RWDD1: variants seen among roughly 807,000 people sequenced by gnomAD.
The protein encoded by RWDD1 is RWD domain-containing protein 1.
Under a neutral mutation model 31.6 loss-of-function variants are expected in RWDD1, and 17 were observed. The observed-to-expected ratio is 0.54, with a 90% CI of 0.37 to 0.81. The LOEUF (loss-of-function observed/expected upper bound fraction) is 0.81. Among genes scored for constraint, RWDD1 ranks in the 30% least tolerant of loss-of-function variants. The probability of loss-of-function intolerance (pLI) is 0.00; values close to 1 mark genes in which losing one functional copy is unlikely to be tolerated. For missense variants in RWDD1, 204 were observed against 274.5 expected (o/e 0.74, Z 1.82); for synonymous variants, 78 against 94.2 (o/e 0.83, Z 0.99).
intron 2 of RWDD1, among the ~76,000 whole-genome samples, chr6:116,582,342 C>G (rs1444583270): frequency 6.6e-6 from 1 of 151,056 alleles, no homozygotes; most frequent in East Asian, 1.9e-4. Flanking sequence ...ATTATTTACA[C>G]TAAGTGTTAA....
rs963171965 is a variant in RWDD1 at position 116,597,237 on chromosome 6, G to C, written c.*4136G>C. On this transcript the variant is annotated 3_prime_UTR_variant, in exon 7 of 7. Coordinates refer to ENST00000466444, the MANE Select transcript of RWDD1 (RefSeq NM_015952.4). Reference sequence around the variant, plus strand: ...GAAGTAAAAAAGAGAGAGAAAGAGAGAGAGAAGAGGTTCTACTCAGTCCAC... The same window carrying C: ...GAAGTAAAAAAGAGAGAGAAAGAGACAGAGAAGAGGTTCTACTCAGTCCAC... 2.8e-4 allele frequency: 43 copies of C among 152,228 alleles called. No individual in the cohort carries two copies. Among genetic ancestry groups the C allele is most frequent in the African/African-American group, 1.0e-3 (42 of 41,522 alleles). The allele number at this position is 152,228 out of a possible 1,614,324, so 9.4% of individuals were successfully genotyped here.
chr6:116,579,389 G>A (rs1025640321), intron 1 of RWDD1, among the ~76,000 whole-genome samples: 28 of 152,218 alleles, frequency 1.8e-4, no homozygotes. Context: ...GCCATCCCTG[G>A]TAGCTTGAAG....
At chr6:116,573,650 T>C (rs989487476) in intron 1 of RWDD1, among the ~76,000 whole-genome samples, 1 of 152,214 alleles carries the variant, frequency 6.6e-6, no homozygotes, top group African/African-American at 2.4e-5. Context: ...TAGCCTTCTT[T>C]TGTATTTATG....
rs1476583030 is a variant in RWDD1 at position 116,595,525 on chromosome 6, T to TG, written c.*2426dup. 1 of 152,224 alleles carries TG rather than the reference T, an allele frequency of 6.6e-6. No homozygotes were observed. Among genetic ancestry groups the TG allele is most frequent in the Non-Finnish European group, 1.5e-5 (1 of 68,042 alleles). 9.4% of individuals were successfully genotyped at this position (152,224 alleles called of 1,614,324 possible). A position where few individuals can be genotyped will look rare whatever the true frequency, so the allele number is the denominator to read the frequency against. On this transcript the variant is annotated 3_prime_UTR_variant, in exon 7 of 7. Coordinates refer to ENST00000466444, the MANE Select transcript of RWDD1 (RefSeq NM_015952.4). ...ATTTGAAGCAATAATTGTTCCATCT[T>TG]GGATTATCGGTTTTGCTCTTTGATT...
chr6:116,578,582 TTGTAAA>T (rs975821789), intron 1 of RWDD1, among the ~76,000 whole-genome samples: 2 of 152,324 alleles, frequency 1.3e-5, no homozygotes, highest in Admixed American at 1.3e-4. Flanking sequence ...ATTTCATGAC[TTGTAAA>T]TGTTAAAGTT....
rs780701472 is a variant in RWDD1, at chr6:116,590,261, T to A, written c.415-11T>A. On this transcript the variant is annotated splice_polypyrimidine_tract_variant and intron_variant, in intron 4 of 6. Transcript: ENST00000466444. The stretch of plus-strand genomic sequence containing the variant: ...CATTAATCTGGTGACTTTTTTTTTT[T>A]ATTTCCTAAGCAATTATTCCATGGT... The A allele has an allele frequency of 5.4e-6, 8 of 1,476,052 alleles. No homozygotes were observed. The highest frequency in any genetic ancestry group is 1.8e-4 in the Middle Eastern group (1 of 5,594). The allele number at this position is 1,476,052 out of a possible 1,614,324, so 91.4% of individuals were successfully genotyped here. A position where few individuals can be genotyped will look rare whatever the true frequency, so the allele number is the denominator to read the frequency against.
intron 6 of RWDD1, 148 bp downstream of exon 6, chr6:116,591,098 T>TA (rs368922935): frequency 0.037 from 29,466 of 804,068 alleles, 8 homozygotes; most frequent in East Asian, 0.042. Flanking sequence ...CTGACTCTAT[T>TA]AAAAAAAAAA....
intron 3 of RWDD1, 87 bp downstream of exon 3, chr6:116,584,944 T>C: frequency 9.3e-7 from 1 of 1,069,838 alleles, no homozygotes. Flanking sequence ...AAAATGCTAT[T>C]GTGTAAACAG....
At chr6:116,588,609 A>T (rs997341433) in intron 3 of RWDD1, among the ~76,000 whole-genome samples, 1 of 152,180 alleles carries the variant, frequency 6.6e-6, no homozygotes, top group South Asian at 2.1e-4. Flanking sequence ...CTGAATTTTT[A>T]CCTATATGAT....
intron 2 of RWDD1, among the ~76,000 whole-genome samples, chr6:116,582,206 A>G (rs1396381246): frequency 6.6e-6 from 1 of 151,016 alleles, no homozygotes; most frequent in Non-Finnish European, 1.5e-5. Context: ...CCATTATTTT[A>G]TTCCTAAATT....
At chr6:116,575,711 G>C (rs1774827320) in intron 1 of RWDD1, among the ~76,000 whole-genome samples, 1 of 152,218 alleles carries the variant, frequency 6.6e-6, no homozygotes, top group Non-Finnish European at 1.5e-5. Flanking sequence ...ACATATAAGA[G>C]AGTTGTGGCA....
chr6:116,577,842 A>T (rs1339260962), intron 1 of RWDD1, among the ~76,000 whole-genome samples: 3 of 152,204 alleles, frequency 2.0e-5, no homozygotes, highest in Non-Finnish European at 2.9e-5. Context: ...GATTGTGCGC[A>T]ACTAAACTTT....
chr6:116,596,803 A>G lies in RWDD1; in HGVS notation c.*3702A>G, dbSNP rs1056411080. On this transcript the variant is annotated 3_prime_UTR_variant, in exon 7 of 7. Coordinates refer to ENST00000466444, the MANE Select transcript of RWDD1 (RefSeq NM_015952.4). ...CATTCAATTAAGGTATTTGAGTGCT[A>G]CTATGCGCCAGCCTTTCTTTGTGAT... 6.6e-6 allele frequency: 1 copy of G among 152,176 alleles called. No homozygotes were observed. Among genetic ancestry groups the G allele is most frequent in the Non-Finnish European group, 1.5e-5 (1 of 68,020 alleles). The allele number at this position is 152,176 out of a possible 1,614,324, so 9.4% of individuals were successfully genotyped here.
intron 6 of RWDD1, among the ~76,000 whole-genome samples, chr6:116,591,477 T>G (rs1376233950): frequency 6.6e-6 from 1 of 152,248 alleles, no homozygotes; most frequent in Non-Finnish European, 1.5e-5. Context: ...AAAAACCTCA[T>G]GTTTAACTCC....
At position 116,590,260 on chromosome 6, in the gene RWDD1, T is replaced by G; in HGVS notation, c.415-12T>G. The G allele has an allele frequency of 6.7e-7, 1 of 1,483,162 alleles. No homozygotes were observed. 91.9% of individuals were successfully genotyped at this position (1,483,162 alleles called of 1,614,324 possible). ...TCATTAATCTGGTGACTTTTTTTTT[T>G]TATTTCCTAAGCAATTATTCCATGG... On this transcript the variant is annotated splice_polypyrimidine_tract_variant and intron_variant, in intron 4 of 6. Transcript: ENST00000466444.
intron 1 of RWDD1, among the ~76,000 whole-genome samples, chr6:116,578,858 T>A (rs1389240275): frequency 1.4e-5 from 2 of 146,808 alleles, no homozygotes; most frequent in African/African-American, 5.2e-5. Flanking sequence ...GACATCTATC[T>A]TGAAAATAAT....
chr6:116,581,915 TAAC>T (rs1774953965), intron 2 of RWDD1, among the ~76,000 whole-genome samples: 1 of 152,062 alleles, frequency 6.6e-6, no homozygotes, highest in African/African-American at 2.4e-5. Flanking sequence ...GTTTCTATCT[TAAC>T]TAATAAACAG....
rs1056614791 is a variant in RWDD1, at chr6:116,584,821, T to A, written c.234T>A (p.Asn78Lys). Reference sequence around the variant, plus strand: ...TCTCCCAGGAAAATCTAGAAGATAATGATGTCTCAGACATTTTAAAATTAC... The same window carrying A: ...TCTCCCAGGAAAATCTAGAAGATAAAGATGTCTCAGACATTTTAAAATTAC... ...EIFSQENLED[N>K]DVSDILKLLA... is the part of the protein sequence containing the mutation. The change falls in exon 3 of 7, where the codon AAT becomes AAA. Residue 78 changes from asparagine (N) to lysine (K), a missense_variant. Transcript: ENST00000466444. The A allele has an allele frequency of 6.3e-7, 1 of 1,595,018 alleles. No homozygotes were observed. The highest frequency in any genetic ancestry group is 8.6e-7 in the Non-Finnish European group (1 of 1,162,932).
chr6:116,580,421 G>A, intron 2 of RWDD1, 61 bp downstream of exon 2: 1 of 1,261,484 alleles, frequency 7.9e-7, no homozygotes, highest in Non-Finnish European at 1.1e-6. Flanking sequence ...CACTCATTCT[G>A]TAGGCATTAT....
Sources: allele counts gnomAD v4.1 joint callset (sites outside exome capture counted in the v4.1 genomes callset), GRCh38; gene constraint gnomAD v4.1.1; transcripts MANE v1.5; gene names NCBI Gene and HGNC (gene_info 2026-07-23, HGNC 2026-07-21).